MROH7: variants seen among roughly 807,000 people sequenced by gnomAD.
The protein encoded by MROH7 is maestro heat-like repeat-containing protein family member 7.
Under a neutral mutation model 129.2 loss-of-function variants are expected in MROH7, and 113 were observed. That is an observed-to-expected ratio of 0.87 (90% confidence interval 0.75 to 1.02). The LOEUF is 1.02. Ranked by LOEUF, MROH7 falls within the 50% of genes least tolerant of loss-of-function variation. MROH7 has a pLI of 0.00. For missense variants in MROH7, 1,601 were observed against 1,671.3 expected (o/e 0.96, Z 0.73); for synonymous variants, 655 against 667.9 (o/e 0.98, Z 0.30).
chr1:54,666,483 GGAGTGCGGTGGTGC>G (rs1265802990), intron 4 of MROH7, among the ~76,000 whole-genome samples: 3 of 146,266 alleles, frequency 2.1e-5, no homozygotes, highest in Non-Finnish European at 4.5e-5. Flanking sequence ...CACTCGGGCT[GGAGTGCGGTGGTGC>G]AATCTTGGCT....
In MROH7 at chr1:54,653,055, G is replaced by A. The variant is rs777333204; in HGVS notation, c.129G>A (p.Gln43=). The change falls in exon 3 of 24, where the codon CAG becomes CAA. Residue 43 remains glutamine, a synonymous_variant. Transcript: ENST00000421030. ...TIPQPHPDMA[Q]VPMLNLLPSP... is the part of the protein sequence containing the mutation. ...CTCAGCCCCACCCAGACATGGCTCA[G>A]GTGCCTATGTTGAATCTGCTCCCAA... 6.8e-6 allele frequency: 11 copies of A among 1,614,076 alleles called. No individual in the cohort carries two copies. The highest frequency in any genetic ancestry group is 3.3e-5 in the Admixed American group (2 of 59,996).
Position 54,652,969 on chromosome 1 carries a change from C to A in MROH7, c.43C>A (p.Pro15Thr), listed in dbSNP as rs771543965. ...PGANLVFHED[P>T]KMTPSPPSCG... ...GGCTAACCTGGTCTTCCATGAAGAC[C>A]CAAAGATGACACCAAGTCCCCCCTC... is the stretch of plus-strand genomic sequence containing the variant. The change falls in exon 3 of 24, where the codon CCA (proline) becomes ACA (threonine). Residue 15 changes from proline (P) to threonine (T), a missense_variant. By Grantham distance (38) the Pro-to-Thr change is conservative (BLOSUM62 -1). Transcript: ENST00000421030. 5 of 1,612,258 alleles carry A rather than the reference C, an allele frequency of 3.1e-6. No homozygotes were observed. Among genetic ancestry groups the A allele is most frequent in the Non-Finnish European group, 4.2e-6 (5 of 1,179,206 alleles).
intron 1 of MROH7, among the ~76,000 whole-genome samples, chr1:54,644,800 A>T (rs1322985404): frequency 1.4e-5 from 2 of 145,780 alleles, no homozygotes; most frequent in African/African-American, 2.6e-5. Context: ...CAGCCAAATA[A>T]CTTTTTTTTT....
intron 10 of MROH7, among the ~76,000 whole-genome samples, chr1:54,677,204 GC>G (rs1644996155): frequency 6.6e-6 from 1 of 152,104 alleles, no homozygotes; most frequent in African/African-American, 2.4e-5. Flanking sequence ...TTCAAGACCA[GC>G]CTGGCCAACA....
At chr1:54,642,602 G>A (rs560071138) in intron 1 of MROH7, among the ~76,000 whole-genome samples, 2 of 152,092 alleles carry the variant, frequency 1.3e-5, no homozygotes, top group Non-Finnish European at 2.9e-5. Flanking sequence ...ACTTGCTTGG[G>A]AATTAGTAGA....
rs1166423727 is a variant in MROH7 at position 54,703,925 on chromosome 1, C to G, written c.3564+1180C>G. Among the ~76,000 whole-genome samples, 2 of 152,198 alleles carry G rather than the reference C, an allele frequency of 1.3e-5. No homozygotes were observed. The highest frequency in any genetic ancestry group is 4.8e-5 in the African/African-American group (2 of 41,450). On this transcript the variant is annotated intron_variant, in intron 21 of 23. Coordinates refer to ENST00000421030, the MANE Select transcript of MROH7 (RefSeq NM_001039464.4). The surrounding 1 kb of genome is among the most constrained non-coding windows in gnomAD (Gnocchi z 4.4). ...GCCTGGGGGTCAGGTCTGTACACTC[C>G]TGTGTTCATCTGTCACTGGATGCCA...
chr1:54,663,521 C>G (rs1266884786), intron 3 of MROH7, among the ~76,000 whole-genome samples: 1 of 152,032 alleles, frequency 6.6e-6, no homozygotes, highest in Non-Finnish European at 1.5e-5. Flanking sequence ...TATAGGTGTG[C>G]ACCACCATTG....
At chr1:54,706,334 G>T in intron 21 of MROH7, 101 bp from the exon 22 acceptor site, 1 of 805,080 alleles carries the variant, frequency 1.2e-6, no homozygotes. Context: ...ATATATTTGG[G>T]AGGCAGGGGG....
rs1645021648 is a variant in MROH7 at position 54,678,806 on chromosome 1, GC to G, written c.2004del (p.Tyr669ThrfsTer4). The G allele has an allele frequency of 1.2e-6, 2 of 1,614,112 alleles. No homozygotes were observed. Among genetic ancestry groups the G allele is most frequent in the Non-Finnish European group, 1.7e-6 (2 of 1,180,002 alleles). The stretch of plus-strand genomic sequence containing the variant: ...ATGAGAGCAACAAGCATTTCCTGGG[GC>G]CCTACAACCCTGTGAGCCCGTGCCA... ...LYESNKHFLG[P>X]YNPVSPCQNI... On this transcript the variant is annotated frameshift_variant, in exon 11 of 24. Transcript: ENST00000421030. LOFTEE classifies it high-confidence loss of function.
intron 14 of MROH7, among the ~76,000 whole-genome samples, chr1:54,683,940 A>G (rs1299682100): frequency 1.4e-4 from 21 of 152,236 alleles, no homozygotes. Flanking sequence ...ACCAGTTGTC[A>G]TTTGACAACA....
Position 54,678,784 on chromosome 1 carries a change from A to C in MROH7, c.1979A>C (p.Glu660Ala). 6.2e-7 allele frequency: 1 copy of C among 1,614,112 alleles called. No homozygotes were observed. The highest frequency in any genetic ancestry group is 8.5e-7 in the Non-Finnish European group (1 of 1,180,010). The change falls in exon 11 of 24, where the codon GAG (glutamate) becomes GCG (alanine). Residue 660 changes from glutamate (E) to alanine (A), a missense_variant. By Grantham distance (107) the Glu-to-Ala change is moderately radical. Coordinates refer to ENST00000421030, the MANE Select transcript of MROH7 (RefSeq NM_001039464.4). ...GAGACCAACAAAAAGGAGCTATATGAGAGCAACAAGCATTTCCTGGGGCCC... is the reference window on the plus strand; with the variant it reads ...GAGACCAACAAAAAGGAGCTATATGCGAGCAACAAGCATTTCCTGGGGCCC... ...KEETNKKELYESNKHFLGPYN... is the reference protein window; with the variant it reads ...KEETNKKELYASNKHFLGPYN...
rs962891532 is a variant in MROH7 at position 54,641,871 on chromosome 1, G to A, written c.-207G>A. On this transcript the variant is annotated 5_prime_UTR_variant, in exon 1 of 24. Transcript: ENST00000421030. ...AGTTACCACCTTCCCGCACTTCTGG[G>A]TACAAGTCTCCTGCTCTGGCTGTAT... The A allele has an allele frequency of 1.3e-5, 2 of 152,244 alleles. No individual in the cohort carries two copies. The highest frequency in any genetic ancestry group is 4.8e-5 in the African/African-American group (2 of 41,454). 9.4% of individuals were successfully genotyped at this position (152,244 alleles called of 1,614,324 possible). A position where few individuals can be genotyped will look rare whatever the true frequency, so the allele number is the denominator to read the frequency against.
rs1645473922 is a variant in MROH7, at chr1:54,703,605, A to G, written c.3564+860A>G. Among the ~76,000 whole-genome samples the G allele has an allele frequency of 6.6e-6, 1 of 151,950 alleles. No individual in the cohort carries two copies. Among genetic ancestry groups the G allele is most frequent in the African/African-American group, 2.4e-5 (1 of 41,348 alleles). On this transcript the variant is annotated intron_variant, in intron 21 of 23. Transcript: ENST00000421030. The surrounding 1 kb of genome is among the most constrained non-coding windows in gnomAD (Gnocchi z 4.4). ...TCCTTTCTCGGTGATACCTGTGAAC[A>G]TCATGAGGTAGGAGCAAGCCGCGTG...
At chr1:54,652,566 G>A (rs1299318270) in intron 2 of MROH7, among the ~76,000 whole-genome samples, 3 of 152,238 alleles carry the variant, frequency 2.0e-5, no homozygotes, top group Non-Finnish European at 2.9e-5. Context: ...TTTGCTAGAA[G>A]TGGGATTAAG....
At chr1:54,654,961 T>C (rs1273443833) in intron 3 of MROH7, among the ~76,000 whole-genome samples, 1 of 152,142 alleles carries the variant, frequency 6.6e-6, no homozygotes, top group African/African-American at 2.4e-5. Context: ...TATTAAGATT[T>C]TTTAAAAAGG....
intron 1 of MROH7, among the ~76,000 whole-genome samples, chr1:54,648,089 G>A (rs181245705): frequency 1.8e-4 from 28 of 151,686 alleles, no homozygotes; most frequent in African/African-American, 6.8e-4. Context: ...TTATTATGTT[G>A]CCCAGGCTGG....
intron 4 of MROH7, among the ~76,000 whole-genome samples, chr1:54,668,208 C>T (rs1020569649): frequency 1.3e-5 from 2 of 152,196 alleles, no homozygotes; most frequent in African/African-American, 4.8e-5. Context: ...GGCCCAGCAT[C>T]ACTTCTACAT....
chr1:54,665,257 A>G lies in MROH7; in HGVS notation c.1305+17A>G, dbSNP rs747441442. On this transcript the variant is annotated intron_variant, in intron 4 of 23. Coordinates refer to ENST00000421030, the MANE Select transcript of MROH7 (RefSeq NM_001039464.4). ...ATGGCTCTGGTATGCCTCCTGCCCA[A>G]CCCCTAGCTGACTGTGCTGGGATAC... 1.2e-6 allele frequency: 2 copies of G among 1,608,468 alleles called. No homozygotes were observed. The highest frequency in any genetic ancestry group is 8.5e-7 in the Non-Finnish European group (1 of 1,175,666).
intron 1 of MROH7, among the ~76,000 whole-genome samples, chr1:54,645,212 C>A (rs1644445787): frequency 6.6e-6 from 1 of 152,032 alleles, no homozygotes. Context: ...TGAGATTTTC[C>A]TAGTTTTTGG....
Sources: allele counts gnomAD v4.1 joint callset (sites outside exome capture counted in the v4.1 genomes callset), GRCh38; gene constraint gnomAD v4.1.1; non-coding constraint Gnocchi (gnomAD v3.1); transcripts MANE v1.5; gene names NCBI Gene and HGNC (gene_info 2026-07-23, HGNC 2026-07-21).